Variants in DAPK2 observed in about 807,000 individuals in gnomAD.
The protein encoded by DAPK2 is death associated protein kinase 2.
A neutral mutation model predicts 44.1 loss-of-function variants in DAPK2; 35 were observed. The observed-to-expected ratio is 0.79, with a 90% CI of 0.61 to 1.05. The LOEUF is 1.05. Among genes scored for constraint, DAPK2 ranks in the 50% least tolerant of loss-of-function variants. The pLI is 0.00. For synonymous variants in DAPK2, 174 were observed against 182.6 expected, an observed-to-expected ratio of 0.95 and a Z score of 0.38; for missense variants, 453 against 483.2, an observed-to-expected ratio of 0.94 and a Z score of 0.59.
intron 1 of DAPK2, among the ~76,000 whole-genome samples, chr15:64,036,577 G>A (rs2080219316): frequency 6.6e-6 from 1 of 151,436 alleles, no homozygotes; most frequent in South Asian, 2.1e-4. Flanking sequence ...TTGAACTTTT[G>A]CAAATGGAAT....
chr15:63,942,126 A>C, intron 3 of DAPK2: 1 of 787,910 alleles, frequency 1.3e-6, no homozygotes. Context: ...CCCCAGGACT[A>C]TGGAGCAGTA....
chr15:63,987,694 T>A (rs2078704042), intron 1 of DAPK2, among the ~76,000 whole-genome samples: 1 of 152,158 alleles, frequency 6.6e-6, no homozygotes, highest in Admixed American at 6.5e-5. Context: ...AAGCTTCCTG[T>A]CAGACAGCTC....
At chr15:64,016,515 T>C (rs1013372990) in intron 1 of DAPK2, among the ~76,000 whole-genome samples, 45 of 152,170 alleles carry the variant, frequency 3.0e-4, no homozygotes, top group African/African-American at 1.1e-3. Flanking sequence ...TAGCATAGGC[T>C]GGGTGCAATG....
intron 1 of DAPK2, among the ~76,000 whole-genome samples, chr15:63,984,534 A>G (rs915759652): frequency 5.5e-4 from 83 of 152,234 alleles, no homozygotes; most frequent in African/African-American, 2.0e-3. Context: ...CCCACAGGGA[A>G]GGGCACCAAC....
intron 3 of DAPK2, among the ~76,000 whole-genome samples, chr15:63,959,875 A>C (rs1229854790): frequency 1.3e-5 from 2 of 152,188 alleles, no homozygotes; most frequent in Non-Finnish European, 2.9e-5. Context: ...TCATAAAATG[A>C]ATTAGGGAGG....
chr15:63,945,322 A>T (rs2077420622), intron 3 of DAPK2, among the ~76,000 whole-genome samples: 1 of 152,102 alleles, frequency 6.6e-6, no homozygotes, highest in Non-Finnish European at 1.5e-5. Flanking sequence ...GAAAATTCAA[A>T]TTGGTTTTAG....
intron 1 of DAPK2, among the ~76,000 whole-genome samples, chr15:64,033,269 G>A (rs1378970206): frequency 1.5e-5 from 1 of 67,052 alleles, no homozygotes; most frequent in Non-Finnish European, 3.4e-5. Context: ...GGGGGAGGGG[G>A]AGGGGGAAGG....
At chr15:64,023,518 C>T (rs1422158767) in intron 1 of DAPK2, among the ~76,000 whole-genome samples, 5 of 152,176 alleles carry the variant, frequency 3.3e-5, no homozygotes, top group Admixed American at 6.5e-5. Flanking sequence ...AATAAACCAA[C>T]TCACTCAATC....
At position 63,917,929 on chromosome 15, in the gene DAPK2, C is replaced by A. The variant is rs1239587471; in HGVS notation, c.859-5732G>T. On this transcript the variant is annotated intron_variant, in intron 8 of 10. Transcript: ENST00000261891. The surrounding 1 kb of genome is among the most constrained non-coding windows in gnomAD (Gnocchi z 4.4). ...GCTTTTCCAATCTAGTTGGCTGGGT[C>A]CCCATCTGCCCCAGACACTGAATCT... The A allele has an allele frequency of 2.0e-5, 3 of 152,186 alleles. No homozygotes were observed. Among genetic ancestry groups the A allele is most frequent in the Non-Finnish European group, 4.4e-5 (3 of 68,046 alleles). The allele number at this position is 152,186 out of a possible 1,614,324, so 9.4% of individuals were successfully genotyped here.
chr15:63,936,339 G>A (rs551926981), intron 4 of DAPK2, among the ~76,000 whole-genome samples: 56 of 152,262 alleles, frequency 3.7e-4, no homozygotes, highest in African/African-American at 1.3e-3. Context: ...GCGGTGGCTC[G>A]CTGGCTCACG....
chr15:64,039,467 T>G (rs1322477077), intron 1 of DAPK2, among the ~76,000 whole-genome samples: 3 of 152,210 alleles, frequency 2.0e-5, no homozygotes, highest in African/African-American at 7.2e-5. Flanking sequence ...GTAAAAATAA[T>G]GCCTATTTCA....
chr15:63,944,883 A>T (rs185046907), intron 3 of DAPK2, among the ~76,000 whole-genome samples: 1 of 152,188 alleles, frequency 6.6e-6, no homozygotes, highest in East Asian at 1.9e-4. Flanking sequence ...CCTTGCCTGT[A>T]CCTGCTCTAT....
At chr15:63,960,423 G>C (rs953606563) in intron 3 of DAPK2, among the ~76,000 whole-genome samples, 3 of 152,122 alleles carry the variant, frequency 2.0e-5, no homozygotes, top group African/African-American at 7.2e-5. Context: ...TGCTTCTCTA[G>C]TTCTTTTAAT....
intron 3 of DAPK2, among the ~76,000 whole-genome samples, chr15:63,943,048 C>T (rs1278312099): frequency 2.6e-5 from 4 of 151,388 alleles, no homozygotes; most frequent in Middle Eastern, 3.4e-3. Context: ...AGCAAACATG[C>T]GACATACTTT....
intron 3 of DAPK2, among the ~76,000 whole-genome samples, chr15:63,971,001 T>C (rs1270527579): frequency 6.6e-6 from 1 of 152,218 alleles, no homozygotes; most frequent in African/African-American, 2.4e-5. Flanking sequence ...CAAGGGATGA[T>C]GGAGGCTGCA....
chr15:64,046,445 G>A (rs1055038613), upstream of DAPK2: 8 of 228,468 alleles, frequency 3.5e-5, no homozygotes, highest in African/African-American at 1.9e-4. The surrounding 1 kb of genome is among the most constrained non-coding windows in gnomAD (Gnocchi z 5.3). Flanking sequence ...TCTCCTCCCA[G>A]AGCGCCCGGC....
intron 1 of DAPK2, among the ~76,000 whole-genome samples, chr15:64,036,607 T>C (rs1046899450): frequency 6.6e-6 from 1 of 151,974 alleles, no homozygotes; most frequent in East Asian, 1.9e-4. Flanking sequence ...CAGACCCTTT[T>C]GAGTCTGCCT....
chr15:63,948,436 C>T (rs907616689), intron 3 of DAPK2, among the ~76,000 whole-genome samples: 13 of 152,098 alleles, frequency 8.5e-5, no homozygotes, highest in African/African-American at 3.1e-4. Context: ...AGAGAAGGAG[C>T]AAGAAGGAGA....
chr15:63,992,821 T>C (rs2078854777), intron 1 of DAPK2, among the ~76,000 whole-genome samples: 1 of 152,176 alleles, frequency 6.6e-6, no homozygotes, highest in African/African-American at 2.4e-5. Flanking sequence ...CAGATGTATG[T>C]TTAACAAAAG....
Sources: gnomAD v4.1 joint callset for allele counts (sites outside exome capture counted in the v4.1 genomes callset) on GRCh38, gnomAD v4.1.1 for gene constraint, Gnocchi (gnomAD v3.1) non-coding constraint, MANE v1.5 for transcripts, NCBI Gene and HGNC (gene_info 2026-07-23, HGNC 2026-07-21) for gene names.